The following MYCT1 variants were observed in gnomAD, a reference collection of about 807,000 sequenced individuals.
The protein encoded by MYCT1 is MYC target 1.
MYCT1 carries 12 observed loss-of-function variants against 15.0 expected under a neutral mutation model. The ratio of observed to expected loss-of-function variants is 0.80; its 90% CI spans 0.51 to 1.29. The LOEUF is 1.29. Ranked by LOEUF, MYCT1 falls within the 50% of genes most tolerant of loss-of-function variation. The pLI is 0.00. For synonymous variants in MYCT1, 104 were observed against 102.7 expected (o/e 1.01, Z -0.07); for missense variants, 287 against 279.1 (o/e 1.03, Z -0.20).
chr6:152,741,614 C>T, the MYCT1 span, among the ~76,000 whole-genome samples: 1 of 152,050 alleles, frequency 6.6e-6, no homozygotes, highest in Non-Finnish European at 1.5e-5. Flanking sequence ...GCTGGAAAGG[C>T]ATTCTAAAGG....
chr6:152,741,607 G>C, the MYCT1 span, among the ~76,000 whole-genome samples: 1 of 152,026 alleles, frequency 6.6e-6, no homozygotes, highest in Non-Finnish European at 1.5e-5. Flanking sequence ...AAGCAAGGCT[G>C]GAAAGGCATT....
At chr6:152,735,421 CT>C in the MYCT1 span, among the ~76,000 whole-genome samples, 2 of 150,860 alleles carry the variant, frequency 1.3e-5, no homozygotes, top group Non-Finnish European at 2.9e-5. Context: ...CTAGTAGATA[CT>C]TTTTATTATT....
In MYCT1 at chr6:152,723,916, G is replaced by T. The variant is rs2099725158; in HGVS notation, c.*1663G>T. 3 of 151,312 alleles carry T rather than the reference G, an allele frequency of 2.0e-5. No individual in the cohort carries two copies. 9.4% of individuals were successfully genotyped at this position (151,312 alleles called of 1,614,324 possible). A position where few individuals can be genotyped will look rare whatever the true frequency, so the allele number is the denominator to read the frequency against. On this transcript the variant is annotated 3_prime_UTR_variant, in exon 2 of 2. Coordinates refer to ENST00000367245, the MANE Select transcript of MYCT1 (RefSeq NM_025107.3). Reference sequence around the variant, plus strand: ...AGTACCCTCTTTTTCATTTCCTATTGCAGTGGTCACAGCTAATAGTGTCTG... The same window carrying T: ...AGTACCCTCTTTTTCATTTCCTATTTCAGTGGTCACAGCTAATAGTGTCTG...
At chr6:152,745,252 A>G in the MYCT1 span, among the ~76,000 whole-genome samples, 5 of 152,318 alleles carry the variant, frequency 3.3e-5, no homozygotes, top group South Asian at 1.0e-3. Context: ...AATGGTGAGT[A>G]TATATTTTCA....
chr6:152,746,744 GATAC>G, the MYCT1 span, among the ~76,000 whole-genome samples: 1 of 152,148 alleles, frequency 6.6e-6, no homozygotes, highest in African/African-American at 2.4e-5. Flanking sequence ...GAAATCGTCT[GATAC>G]ATACAACCCT....
In MYCT1 at chr6:152,722,042, C is replaced by A; in HGVS notation, c.497C>A (p.Thr166Asn). The A allele has an allele frequency of 2.5e-6, 4 of 1,614,182 alleles. No individual in the cohort carries two copies. Among genetic ancestry groups the A allele is most frequent in the Non-Finnish European group, 3.4e-6 (4 of 1,180,034 alleles). Reference sequence around the variant, plus strand: ...AGAAAATCAAGTTTCAGAGCTTCTACTTTCCATCCCTTTCTGCAATGTCCA... The same window carrying A: ...AGAAAATCAAGTTTCAGAGCTTCTAATTTCCATCCCTTTCTGCAATGTCCA... ...FPRKSSFRAS[T>N]FHPFLQCPPL... The change falls in exon 2 of 2, where the codon ACT (threonine) becomes AAT (asparagine). Residue 166 changes from threonine (T) to asparagine (N), a missense_variant. Coordinates refer to ENST00000367245, the MANE Select transcript of MYCT1 (RefSeq NM_025107.3).
Position 152,702,351 on chromosome 6 carries a change from T to C in MYCT1, c.196+4253T>C, listed in dbSNP as rs571226030. ...TTTTCTATTTCGAAATATCCAACTATTGCAGTAAAAATGTTGGCTTTCAAA... is the reference window on the plus strand; with the variant it reads ...TTTTCTATTTCGAAATATCCAACTACTGCAGTAAAAATGTTGGCTTTCAAA... On this transcript the variant is annotated intron_variant, in intron 1 of 1. Transcript: ENST00000367245. Among the ~76,000 whole-genome samples the C allele has an allele frequency of 2.6e-5, 4 of 152,322 alleles. No homozygotes were observed. In the East Asian group the frequency reaches 5.8e-4, roughly 22 times the overall value.
At chr6:152,729,397 G>C (rs2099726181), downstream of MYCT1, among the ~76,000 whole-genome samples, 1 of 151,882 alleles carries the variant, frequency 6.6e-6, no homozygotes, top group Non-Finnish European at 1.5e-5. Flanking sequence ...TGTACAACCT[G>C]AGGAATACAT....
rs543072606 is a variant in MYCT1, at chr6:152,707,455, G to A, written c.196+9357G>A. 1.4e-4 allele frequency among the ~76,000 whole-genome samples: 21 copies of A among 152,092 alleles called. No homozygotes were observed. The East Asian group carries it at 2.5e-3, about 18-fold the overall frequency. On this transcript the variant is annotated intron_variant, in intron 1 of 1. Transcript: ENST00000367245. ...AAATATTTTCTCTCATTCTGTAGGC[G>A]TCTCTTCTCTCTGTTGATTATTTCC...
intron 1 of MYCT1, among the ~76,000 whole-genome samples, chr6:152,718,006 G>C (rs569198274): frequency 1.3e-5 from 2 of 151,506 alleles, no homozygotes; most frequent in East Asian, 3.9e-4. Flanking sequence ...AATCCTTTTT[G>C]GATATCTATA....
chr6:152,736,297 A>G, the MYCT1 span, among the ~76,000 whole-genome samples: 2 of 152,186 alleles, frequency 1.3e-5, no homozygotes, highest in African/African-American at 4.8e-5. Context: ...ACAAATTACT[A>G]AGTAATACCC....
At chr6:152,745,218 C>T in the MYCT1 span, among the ~76,000 whole-genome samples, 4 of 152,316 alleles carry the variant, frequency 2.6e-5, no homozygotes, top group Admixed American at 2.6e-4. Context: ...CATGACTATA[C>T]ACAATTCAAG....
downstream of MYCT1, among the ~76,000 whole-genome samples, chr6:152,727,099 T>A (rs553440208): frequency 2.4e-4 from 37 of 151,772 alleles, no homozygotes; most frequent in Admixed American, 2.4e-3. Context: ...TAGTCCCAGC[T>A]ACTCGGGAGG....
At chr6:152,738,758 G>T in the MYCT1 span, among the ~76,000 whole-genome samples, 1 of 152,054 alleles carries the variant, frequency 6.6e-6, no homozygotes, top group South Asian at 2.1e-4. Flanking sequence ...ACCATTTGTT[G>T]AGTATTCAGA....
intron 1 of MYCT1, among the ~76,000 whole-genome samples, chr6:152,715,081 T>C (rs527374599): frequency 2.0e-5 from 3 of 152,268 alleles, no homozygotes; most frequent in South Asian, 2.1e-4. Flanking sequence ...AGCTTACTTA[T>C]AGTGCACAGC....
rs561224814 is a variant in MYCT1 at position 152,723,889 on chromosome 6, A to G, written c.*1636A>G. 6.6e-6 allele frequency: 1 copy of G among 152,334 alleles called. No individual in the cohort carries two copies. Among genetic ancestry groups the G allele is most frequent in the African/African-American group, 2.4e-5 (1 of 41,578 alleles). The allele number at this position is 152,334 out of a possible 1,614,324, so 9.4% of individuals were successfully genotyped here. Reference sequence around the variant, plus strand: ...TTTGAACAGTGGGATTTTCAGTGAAAAAGTACCCTCTTTTTCATTTCCTAT... The same window carrying G: ...TTTGAACAGTGGGATTTTCAGTGAAGAAGTACCCTCTTTTTCATTTCCTAT... On this transcript the variant is annotated 3_prime_UTR_variant, in exon 2 of 2. Transcript: ENST00000367245.
intron 1 of MYCT1, among the ~76,000 whole-genome samples, chr6:152,718,553 C>T (rs544385396): frequency 1.7e-4 from 26 of 152,112 alleles, no homozygotes; most frequent in Admixed American, 9.2e-4. Flanking sequence ...GCCTCAATCA[C>T]AATAATAGAC....
chr6:152,722,772 C>T lies in MYCT1; in HGVS notation c.*519C>T. On this transcript the variant is annotated 3_prime_UTR_variant, in exon 2 of 2. Coordinates refer to ENST00000367245, the MANE Select transcript of MYCT1 (RefSeq NM_025107.3). ...TTTTCTTTTGAGACAGGGTCTTGAT[C>T]CGTCGCCCAGGCGGGAGTTGCAGTA... 2.4e-6 allele frequency: 1 copy of T among 409,744 alleles called. No individual in the cohort carries two copies. Among genetic ancestry groups the T allele is most frequent in the South Asian group, 1.8e-5 (1 of 56,826 alleles). 25.4% of individuals were successfully genotyped at this position (409,744 alleles called of 1,614,324 possible). A position where few individuals can be genotyped will look rare whatever the true frequency, so the allele number is the denominator to read the frequency against.
the MYCT1 span, among the ~76,000 whole-genome samples, chr6:152,744,203 A>G: frequency 1.3e-5 from 2 of 152,154 alleles, no homozygotes; most frequent in African/African-American, 4.8e-5. Flanking sequence ...CTTCTAATGT[A>G]TTTGTGTTTC....
Sources: allele counts gnomAD v4.1 joint callset (sites outside exome capture counted in the v4.1 genomes callset), GRCh38; gene constraint gnomAD v4.1.1; transcripts MANE v1.5; gene names NCBI Gene and HGNC (gene_info 2026-07-23, HGNC 2026-07-21).